The following SPATA17 variants were observed in gnomAD, a reference collection of about 807,000 sequenced individuals.
The protein encoded by SPATA17 is spermatogenesis associated 17.
A neutral mutation model predicts 62.2 loss-of-function variants in SPATA17; 53 were observed. That is an observed-to-expected ratio of 0.85 (90% CI 0.68 to 1.07). The LOEUF is 1.07. Among genes scored for constraint, SPATA17 ranks in the 50% least tolerant of loss-of-function variants. The probability of loss-of-function intolerance (pLI) is 0.00; values close to 1 mark genes in which losing one functional copy is unlikely to be tolerated. For missense variants in SPATA17, 466 were observed against 425.5 expected (o/e 1.10, Z -0.84); for synonymous variants, 146 against 146.8 (o/e 0.99, Z 0.04).
At chr1:217,729,530 C>T (rs1672347122) in intron 5 of SPATA17, among the ~76,000 whole-genome samples, 2 of 152,246 alleles carry the variant, frequency 1.3e-5, no homozygotes, top group South Asian at 2.1e-4. Context: ...AAGAAAACAA[C>T]ATTTCAGTTT....
intron 2 of SPATA17, among the ~76,000 whole-genome samples, chr1:217,650,547 G>A (rs1670285879): frequency 6.6e-6 from 1 of 151,986 alleles, no homozygotes; most frequent in Admixed American, 6.6e-5. Context: ...CTCCAGAATA[G>A]CCAGGACTAC....
At chr1:217,791,009 C>T (rs1337652917) in intron 8 of SPATA17, among the ~76,000 whole-genome samples, 1 of 152,146 alleles carries the variant, frequency 6.6e-6, no homozygotes, top group East Asian at 1.9e-4. Context: ...TGAACTATTA[C>T]TGTATTATGA....
At chr1:217,811,317 C>G (rs1038492985) in intron 9 of SPATA17, among the ~76,000 whole-genome samples, 2 of 152,236 alleles carry the variant, frequency 1.3e-5, no homozygotes, top group African/African-American at 4.8e-5. Flanking sequence ...CGTGAGCCAC[C>G]ACACCCAGAG....
intron 6 of SPATA17, among the ~76,000 whole-genome samples, chr1:217,749,923 T>C (rs1214306506): frequency 1.4e-5 from 2 of 140,952 alleles, no homozygotes; most frequent in Non-Finnish European, 3.1e-5. Context: ...CTTTATATCC[T>C]AGAGAAATTT....
At chr1:217,799,304 A>G (rs1674235118) in intron 8 of SPATA17, among the ~76,000 whole-genome samples, 1 of 152,186 alleles carries the variant, frequency 6.6e-6, no homozygotes. Flanking sequence ...CGTCTCGGCC[A>G]TTCATTCCCT....
intron 5 of SPATA17, among the ~76,000 whole-genome samples, chr1:217,712,127 T>C (rs1571750286): frequency 1.6e-5 from 2 of 126,674 alleles, no homozygotes. Flanking sequence ...TACAATATGT[T>C]CTTTTGTTTT....
intron 3 of SPATA17, among the ~76,000 whole-genome samples, chr1:217,656,951 G>A (rs1312745187): frequency 6.6e-6 from 1 of 152,136 alleles, no homozygotes; most frequent in Non-Finnish European, 1.5e-5. Flanking sequence ...TTCAATCTCA[G>A]CCCTTATTGG....
At chr1:217,659,893 C>T (rs747954064) in intron 3 of SPATA17, among the ~76,000 whole-genome samples, 1 of 152,142 alleles carries the variant, frequency 6.6e-6, no homozygotes, top group Non-Finnish European at 1.5e-5. Context: ...CATTTTACTG[C>T]CATGCCTGTA....
At chr1:217,714,728 G>A (rs990749565) in intron 5 of SPATA17, among the ~76,000 whole-genome samples, 8 of 151,596 alleles carry the variant, frequency 5.3e-5, no homozygotes, top group Non-Finnish European at 7.4e-5. Flanking sequence ...CTCATGATCC[G>A]CCCGCCTCGG....
intron 5 of SPATA17, among the ~76,000 whole-genome samples, chr1:217,708,053 G>A (rs1371989900): frequency 6.6e-6 from 1 of 152,168 alleles, no homozygotes; most frequent in Non-Finnish European, 1.5e-5. Context: ...CACAGTTAAA[G>A]CAGTGTCAAG....
intron 5 of SPATA17, among the ~76,000 whole-genome samples, chr1:217,714,029 CAA>C (rs1193370748): frequency 6.6e-6 from 1 of 152,060 alleles, no homozygotes; most frequent in Non-Finnish European, 1.5e-5. Context: ...TTGGAAATCA[CAA>C]AGACATGGCC....
At chr1:217,752,417 A>G (rs1326541689) in intron 6 of SPATA17, among the ~76,000 whole-genome samples, 3 of 152,232 alleles carry the variant, frequency 2.0e-5, no homozygotes, top group East Asian at 1.9e-4. Flanking sequence ...ATCTAAAAAT[A>G]TAGCATAGTG....
chr1:217,684,826 G>A (rs1356999993), intron 5 of SPATA17, among the ~76,000 whole-genome samples: 3 of 152,120 alleles, frequency 2.0e-5, no homozygotes, highest in African/African-American at 7.2e-5. Flanking sequence ...AGATATATAT[G>A]AAAACTAATT....
chr1:217,790,509 C>T (rs1214485821), intron 8 of SPATA17, among the ~76,000 whole-genome samples: 1 of 152,028 alleles, frequency 6.6e-6, no homozygotes, highest in Non-Finnish European at 1.5e-5. Context: ...GGCACGATCT[C>T]GGCTCACTGC....
intron 1 of SPATA17, among the ~76,000 whole-genome samples, chr1:217,639,862 T>A (rs368299318): frequency 2.6e-5 from 4 of 152,172 alleles, no homozygotes; most frequent in East Asian, 3.9e-4. Flanking sequence ...CATGTGCATC[T>A]TCCTCACCTT....
intron 2 of SPATA17, among the ~76,000 whole-genome samples, chr1:217,650,220 TG>T (rs1670278903): frequency 6.6e-6 from 1 of 152,040 alleles, no homozygotes; most frequent in Admixed American, 6.6e-5. Flanking sequence ...ATAACAGGCA[TG>T]AGCCACGGCG....
intron 1 of SPATA17, among the ~76,000 whole-genome samples, chr1:217,647,229 C>T (rs1197701578): frequency 1.3e-5 from 2 of 152,148 alleles, no homozygotes; most frequent in Non-Finnish European, 2.9e-5. Flanking sequence ...CCATCATCAC[C>T]CAGGGGTTAA....
chr1:217,716,323 CAT>C (rs1395087068), intron 5 of SPATA17, among the ~76,000 whole-genome samples: 4 of 152,178 alleles, frequency 2.6e-5, no homozygotes. Context: ...AGACTGCTAA[CAT>C]GTGCAGCACC....
chr1:217,821,040 A>G (rs1674847075), intron 9 of SPATA17, among the ~76,000 whole-genome samples: 1 of 152,098 alleles, frequency 6.6e-6, no homozygotes, highest in African/African-American at 2.4e-5. Flanking sequence ...CCAATCCCCC[A>G]GAACCAATCC....
Sources: gnomAD v4.1 joint callset for allele counts (sites outside exome capture counted in the v4.1 genomes callset) on GRCh38, gnomAD v4.1.1 for gene constraint, MANE v1.5 for transcripts, NCBI Gene and HGNC (gene_info 2026-07-23, HGNC 2026-07-21) for gene names.